QTGAL: variants seen among roughly 807,000 people sequenced by gnomAD.
QTGAL encodes queuosine-tRNA galactosyltransferase, also known as BGnT-like protein 1.
chr17:82,991,178 G>A, the QTGAL span, among the ~76,000 whole-genome samples: 1 of 152,172 alleles, frequency 6.6e-6, no homozygotes, highest in African/African-American at 2.4e-5. Flanking sequence ...GTTAGCCAAA[G>A]ATTTCTTAGA....
chr17:82,995,760 CAAATA>C, the QTGAL span, among the ~76,000 whole-genome samples: 17 of 151,968 alleles, frequency 1.1e-4, no homozygotes, highest in South Asian at 6.2e-4. Flanking sequence ...ACAATAGCTA[CAAATA>C]AAATAAAATA....
At chr17:82,946,791 A>T in the QTGAL span, 1 of 1,134,104 alleles carries the variant, frequency 8.8e-7, no homozygotes, top group South Asian at 1.5e-5. Flanking sequence ...GACTAACTGT[A>T]AAGAAAATTA....
At chr17:83,011,279 C>T in the QTGAL span, 1 of 152,202 alleles carries the variant, frequency 6.6e-6, no homozygotes, top group African/African-American at 2.4e-5. Flanking sequence ...TTCTTGCTAA[C>T]CTTGGATAAC....
the QTGAL span, chr17:83,005,108 G>A: frequency 5.6e-6 from 9 of 1,596,202 alleles, no homozygotes; most frequent in African/African-American, 4.0e-5. The surrounding 1 kb of genome is among the most constrained non-coding windows in gnomAD (Gnocchi z 5.6). Context: ...GGCGCCAGGC[G>A]AGGTACCTGG....
At chr17:82,988,850 C>A in the QTGAL span, among the ~76,000 whole-genome samples, 1 of 152,136 alleles carries the variant, frequency 6.6e-6, no homozygotes, top group Non-Finnish European at 1.5e-5. Flanking sequence ...AATCAAGAAA[C>A]AACAGATGCT....
At chr17:83,045,747 C>T in the QTGAL span, among the ~76,000 whole-genome samples, 6 of 152,152 alleles carry the variant, frequency 3.9e-5, no homozygotes, top group Non-Finnish European at 8.8e-5. Flanking sequence ...AAAACACATA[C>T]AGCTCAATTT....
the QTGAL span, among the ~76,000 whole-genome samples, chr17:83,041,038 G>A: frequency 6.7e-6 from 1 of 149,820 alleles, no homozygotes; most frequent in African/African-American, 2.5e-5. Flanking sequence ...TGCACTCCAG[G>A]CTGGGTGACA....
the QTGAL span, among the ~76,000 whole-genome samples, chr17:82,983,482 G>A: frequency 6.6e-6 from 1 of 152,100 alleles, no homozygotes; most frequent in Non-Finnish European, 1.5e-5. Flanking sequence ...TAAACACTCG[G>A]GCACGCGTTA....
chr17:82,956,946 C>A, the QTGAL span: 1 of 950,098 alleles, frequency 1.1e-6, no homozygotes, highest in Non-Finnish European at 1.6e-6. This position sits in a 1 kb window ranked among gnomAD's most constrained non-coding sequence, Gnocchi z 5.7. Context: ...CCGGCTCCCG[C>A]CACCCCCGCC....
the QTGAL span, among the ~76,000 whole-genome samples, chr17:83,026,921 G>A: frequency 8.7e-5 from 12 of 138,454 alleles, no homozygotes; most frequent in South Asian, 2.4e-4. Flanking sequence ...GGAGGGCAGG[G>A]AGCCTGCAGA....
chr17:82,989,843 A>C, the QTGAL span, among the ~76,000 whole-genome samples: 2 of 152,228 alleles, frequency 1.3e-5, no homozygotes, highest in African/African-American at 4.8e-5. Context: ...ACAAACAATA[A>C]AAAACTAAAC....
the QTGAL span, chr17:83,034,895 A>C: frequency 7.4e-6 from 5 of 678,206 alleles, no homozygotes; most frequent in Non-Finnish European, 9.9e-6. Context: ...CATCAGCAGC[A>C]TGAAAACGGA....
the QTGAL span, among the ~76,000 whole-genome samples, chr17:82,999,596 G>A: frequency 1.3e-5 from 2 of 152,270 alleles, no homozygotes; most frequent in South Asian, 2.1e-4. Flanking sequence ...ACTATATGCT[G>A]TATTTTTACA....
chr17:82,969,773 C>T, the QTGAL span, among the ~76,000 whole-genome samples: 43,546 of 151,966 alleles, frequency 0.29, 6,406 homozygotes, highest in East Asian at 0.35. Context: ...TCAACCTCCC[C>T]GGCTCAAGCG....
the QTGAL span, among the ~76,000 whole-genome samples, chr17:82,992,043 G>A: frequency 6.6e-6 from 1 of 152,050 alleles, no homozygotes; most frequent in Non-Finnish European, 1.5e-5. Context: ...AAACAATAAT[G>A]AAGCATGCCT....
At chr17:82,994,495 C>A in the QTGAL span, among the ~76,000 whole-genome samples, 1 of 152,002 alleles carries the variant, frequency 6.6e-6, no homozygotes. Context: ...CAAGACTGAA[C>A]CATGAAAAAA....
At chr17:82,990,189 G>A in the QTGAL span, among the ~76,000 whole-genome samples, 1 of 152,226 alleles carries the variant, frequency 6.6e-6, no homozygotes, top group African/African-American at 2.4e-5. Context: ...ACAGACCCCA[G>A]GTTTAATACA....
At chr17:82,962,036 AC>A in the QTGAL span, among the ~76,000 whole-genome samples, 3 of 152,110 alleles carry the variant, frequency 2.0e-5, no homozygotes, top group African/African-American at 7.2e-5. Context: ...GCGGCAGCTC[AC>A]CTGGGTCAGC....
the QTGAL span, among the ~76,000 whole-genome samples, chr17:82,959,102 GGTGT>G: frequency 7.2e-6 from 1 of 139,434 alleles, no homozygotes; most frequent in Non-Finnish European, 1.6e-5. Context: ...GGGGGTGTAT[GGTGT>G]GTGTGTACAC....
Sources: gnomAD v4.1 joint callset for allele counts (sites outside exome capture counted in the v4.1 genomes callset) on GRCh38, gnomAD v4.1.1 for gene constraint, Gnocchi (gnomAD v3.1) non-coding constraint, MANE v1.5 for transcripts, NCBI Gene and HGNC (gene_info 2026-07-23, HGNC 2026-07-21) for gene names.